The following MGAT5 variants were observed in gnomAD, a reference collection of about 807,000 sequenced individuals.
MGAT5 encodes alpha-1,6-mannosylglycoprotein 6-beta-N-acetylglucosaminyltransferase A.
MGAT5 carries 30 observed loss-of-function variants against 94.3 expected under a neutral mutation model. The observed-to-expected ratio is 0.32, with a 90% CI of 0.24 to 0.43. MGAT5 has a LOEUF of 0.43. MGAT5 is among the 20% of genes least tolerant of loss of function. The pLI is 1.00. For synonymous variants in MGAT5, 310 were observed against 322.9 expected, an observed-to-expected ratio of 0.96 and a Z score of 0.43; for missense variants, 691 against 905.5, an observed-to-expected ratio of 0.76 and a Z score of 3.04.
At chr2:134,144,566 G>C (rs983014385) in intron 1 of MGAT5, among the ~76,000 whole-genome samples, 2 of 152,068 alleles carry the variant, frequency 1.3e-5, no homozygotes, top group African/African-American at 4.8e-5. Flanking sequence ...ACCATATCAC[G>C]CACTAAGTTC....
At chr2:134,226,642 G>C (rs1573562313) in intron 1 of MGAT5, among the ~76,000 whole-genome samples, 1 of 152,216 alleles carries the variant, frequency 6.6e-6, no homozygotes, top group Non-Finnish European at 1.5e-5. Context: ...AATGAAACGA[G>C]CTAGTGTAGA....
chr2:134,235,723 T>C (rs1390462356), intron 1 of MGAT5, among the ~76,000 whole-genome samples: 1 of 126,616 alleles, frequency 7.9e-6, no homozygotes, highest in Non-Finnish European at 1.7e-5. Flanking sequence ...GTAATAATAA[T>C]AGGGGTTTTT....
intron 1 of MGAT5, among the ~76,000 whole-genome samples, chr2:134,219,275 C>CT (rs1244352356): frequency 2.0e-5 from 3 of 152,094 alleles, no homozygotes; most frequent in African/African-American, 7.2e-5. Context: ...GGCAACAAGG[C>CT]TTGTGTAGCT....
chr2:134,341,666 T>C lies in MGAT5; in HGVS notation c.884T>C (p.Leu295Pro). The change falls in exon 7 of 16, where the codon CTT becomes CCT. Residue 295 changes from leucine to proline, a missense_variant. Transcript: ENST00000281923. ...IAETAFSGGP[L>P]GELVQWSDLI... ...GAGACAGCTTTCAGTGGTGGCCCTC[T>C]TGGTGAATTAGTTCAATGGAGTGAT... 6.2e-7 allele frequency: 1 copy of C among 1,613,624 alleles called. No individual in the cohort carries two copies. The highest frequency in any genetic ancestry group is 8.5e-7 in the Non-Finnish European group (1 of 1,179,724).
intron 8 of MGAT5, 33 bp downstream of exon 8, chr2:134,345,097 T>G: frequency 6.3e-7 from 1 of 1,589,706 alleles, no homozygotes; most frequent in East Asian, 2.3e-5. Context: ...ACTTAAGGTT[T>G]TTTTTCCCCT....
intron 4 of MGAT5, among the ~76,000 whole-genome samples, chr2:134,327,270 A>G (rs1369795627): frequency 1.3e-5 from 2 of 152,130 alleles, no homozygotes; most frequent in Admixed American, 6.6e-5. Flanking sequence ...CATGAGGGAT[A>G]TATTTTAAGA....
intron 1 of MGAT5, among the ~76,000 whole-genome samples, chr2:134,246,475 C>G (rs1198937215): frequency 6.6e-6 from 1 of 152,202 alleles, no homozygotes; most frequent in African/African-American, 2.4e-5. Context: ...TCTGCTTCTC[C>G]TTTTAACACC....
At chr2:134,152,757 C>T (rs924725287) in intron 1 of MGAT5, among the ~76,000 whole-genome samples, 3 of 152,136 alleles carry the variant, frequency 2.0e-5, no homozygotes, top group African/African-American at 7.2e-5. Flanking sequence ...AAGTATGAAT[C>T]GTTCTCTGAC....
In MGAT5 at chr2:134,270,373, CT is replaced by C. The variant is rs1558747950; in HGVS notation, c.242-10del. The C allele has an allele frequency of 6.2e-7, 1 of 1,612,128 alleles. No individual in the cohort carries two copies. Among genetic ancestry groups the C allele is most frequent in the Non-Finnish European group, 8.5e-7 (1 of 1,178,648 alleles). On this transcript the variant is annotated splice_polypyrimidine_tract_variant and intron_variant, in intron 1 of 15. Coordinates refer to ENST00000281923, the MANE Select transcript of MGAT5 (RefSeq NM_002410.5). ...CCATAGAATTTTAAAATTGTCTGCA[CT>C]TTCTTTTACAGATCTGAAGAAAACC...
intron 9 of MGAT5, among the ~76,000 whole-genome samples, chr2:134,356,171 A>G (rs2106082966): frequency 6.6e-6 from 1 of 152,332 alleles, no homozygotes; most frequent in African/African-American, 2.4e-5. Flanking sequence ...TCAAGACTAG[A>G]GAATATTCAG....
At chr2:134,280,871 A>G (rs543119022) in intron 2 of MGAT5, among the ~76,000 whole-genome samples, 1 of 152,190 alleles carries the variant, frequency 6.6e-6, no homozygotes, top group Non-Finnish European at 1.5e-5. Context: ...TAAGTGTCCA[A>G]CTCAGGTTTT....
At chr2:134,205,537 G>T (rs1454631675) in intron 1 of MGAT5, among the ~76,000 whole-genome samples, 2 of 152,224 alleles carry the variant, frequency 1.3e-5, no homozygotes, top group Non-Finnish European at 2.9e-5. Context: ...TTGCTGAGCT[G>T]CTTTGTGCGT....
intron 1 of MGAT5, among the ~76,000 whole-genome samples, chr2:134,257,504 G>A (rs1683043450): frequency 6.6e-6 from 1 of 152,216 alleles, no homozygotes; most frequent in Admixed American, 6.5e-5. Context: ...TTACAGGTGT[G>A]AGCCGCTGTG....
intron 1 of MGAT5, among the ~76,000 whole-genome samples, chr2:134,160,591 C>T (rs925242512): frequency 6.6e-6 from 1 of 152,214 alleles, no homozygotes; most frequent in African/African-American, 2.4e-5. Context: ...ACATCTGGTC[C>T]TCCACTTCCC....
chr2:134,276,940 C>T (rs903054293), intron 2 of MGAT5, among the ~76,000 whole-genome samples: 3 of 152,114 alleles, frequency 2.0e-5, no homozygotes, highest in Admixed American at 2.0e-4. Context: ...ATAATTATTT[C>T]CAAGGGTGTA....
chr2:134,167,053 A>T (rs1687995087), intron 1 of MGAT5, among the ~76,000 whole-genome samples: 1 of 152,220 alleles, frequency 6.6e-6, no homozygotes, highest in Admixed American at 6.5e-5. Flanking sequence ...CATTACGAGG[A>T]ACACATTATG....
At chr2:134,347,622 C>T (rs1688999409) in intron 8 of MGAT5, among the ~76,000 whole-genome samples, 1 of 152,024 alleles carries the variant, frequency 6.6e-6, no homozygotes, top group Non-Finnish European at 1.5e-5. Context: ...AATAAAAATA[C>T]AAATATGATA....
intron 15 of MGAT5, among the ~76,000 whole-genome samples, chr2:134,444,384 A>T (rs559399965): frequency 6.6e-6 from 1 of 152,344 alleles, no homozygotes; most frequent in South Asian, 2.1e-4. Flanking sequence ...ACCCCACTGT[A>T]GAGATGCGGG....
chr2:134,123,127 A>G (rs924329311), intron 1 of MGAT5, among the ~76,000 whole-genome samples: 1 of 152,188 alleles, frequency 6.6e-6, no homozygotes, highest in Non-Finnish European at 1.5e-5. Context: ...CTCTCCTCCC[A>G]TTCAATTTTT....
Sources: allele counts gnomAD v4.1 joint callset (sites outside exome capture counted in the v4.1 genomes callset), GRCh38; gene constraint gnomAD v4.1.1; transcripts MANE v1.5; gene names NCBI Gene and HGNC (gene_info 2026-07-23, HGNC 2026-07-21).